PDPR: variants seen among roughly 807,000 people sequenced by gnomAD.
PDPR encodes pyruvate dehydrogenase phosphatase regulatory subunit.
A neutral mutation model predicts 102.2 loss-of-function variants in PDPR; 50 were observed. That is an observed-to-expected ratio of 0.49 (90% confidence interval 0.39 to 0.62). The LOEUF is 0.62. Among genes scored for constraint, PDPR ranks in the 20% least tolerant of loss-of-function variants. The pLI, the probability that PDPR is intolerant of heterozygous loss-of-function variation, is 0.00. For synonymous variants in PDPR, 259 were observed against 406.0 expected, an observed-to-expected ratio of 0.64 and a Z score of 4.35; for missense variants, 625 against 1,098.2, an observed-to-expected ratio of 0.57 and a Z score of 6.09.
In PDPR at chr16:70,160,826, C is replaced by A. The variant is rs951206679; in HGVS notation, c.*3947C>A. The A allele has an allele frequency of 6.6e-6, 1 of 152,420 alleles. No individual in the cohort carries two copies. Among genetic ancestry groups the A allele is most frequent in the African/African-American group, 2.4e-5 (1 of 41,486 alleles). The allele number at this position is 152,420 out of a possible 1,614,324, so 9.4% of individuals were successfully genotyped here. ...AAGAATGATGGGAGCTTTCCGAGAG[C>A]GTTCAGTGTTTCACTGAAGACAGGA... On this transcript the variant is annotated 3_prime_UTR_variant, in exon 19 of 19. Transcript: ENST00000288050.
At chr16:70,120,420 T>C in intron 2 of PDPR, 41 bp from the exon 3 acceptor site, 2 of 989,414 alleles carry the variant, frequency 2.0e-6, no homozygotes, top group Non-Finnish European at 3.2e-6. Context: ...TCCCATGCAC[T>C]GAGTAGAATG....
chr16:70,145,489 C>T (rs934529947), intron 15 of PDPR, among the ~76,000 whole-genome samples: 1 of 152,248 alleles, frequency 6.6e-6, no homozygotes, highest in African/African-American at 2.4e-5. Context: ...TTCTCACTCT[C>T]AGCAGTCTCG....
At chr16:70,117,526 T>G (rs1962770060) in intron 2 of PDPR, among the ~76,000 whole-genome samples, 1 of 151,142 alleles carries the variant, frequency 6.6e-6, no homozygotes, top group South Asian at 2.1e-4. Flanking sequence ...TCAAAAAAAA[T>G]AAATAAGATG....
intron 18 of PDPR, among the ~76,000 whole-genome samples, chr16:70,154,040 G>A (rs1966867527): frequency 6.6e-6 from 1 of 152,260 alleles, no homozygotes. Flanking sequence ...TTAGCCGGGT[G>A]TGGTTGCGGG....
intron 9 of PDPR, among the ~76,000 whole-genome samples, chr16:70,132,555 T>TA (rs201930774): frequency 6.6e-6 from 1 of 152,246 alleles, no homozygotes; most frequent in African/African-American, 2.4e-5. Context: ...TTTTTTTTTT[T>TA]ATTTCTTGAG....
In PDPR at chr16:70,117,830, C is replaced by T. The variant is rs556708710; in HGVS notation, c.-32-2631C>T. ...TCATTAAGGTGGGTGTGGTGGTTCACGCCTATAATCCCAGCACTTTGGGAG... is the reference window on the plus strand; with the variant it reads ...TCATTAAGGTGGGTGTGGTGGTTCATGCCTATAATCCCAGCACTTTGGGAG... On this transcript the variant is annotated intron_variant, in intron 2 of 18. Coordinates refer to ENST00000288050, the MANE Select transcript of PDPR (RefSeq NM_017990.5). Among the ~76,000 whole-genome samples the T allele has an allele frequency of 3.3e-5, 5 of 152,052 alleles. No homozygotes were observed. In the South Asian group the frequency reaches 6.2e-4, roughly 19 times the overall value.
intron 17 of PDPR, among the ~76,000 whole-genome samples, chr16:70,152,962 A>G (rs1966840790): frequency 6.6e-6 from 1 of 152,286 alleles, no homozygotes. Context: ...AGCTTGGGCC[A>G]GTACGTGAGG....
rs2152128809 is a variant in PDPR, at chr16:70,160,749, A to G, written c.*3870A>G. The G allele has an allele frequency of 6.6e-6, 1 of 152,598 alleles. No individual in the cohort carries two copies. The highest frequency in any genetic ancestry group is 2.1e-4 in the South Asian group (1 of 4,832). 9.5% of individuals were successfully genotyped at this position (152,598 alleles called of 1,614,324 possible). ...CAGTATATTACCTGCCGTTGCATGCATTTGAAAGTTAGCCTCCTCCCTTGC... is the reference window on the plus strand; with the variant it reads ...CAGTATATTACCTGCCGTTGCATGCGTTTGAAAGTTAGCCTCCTCCCTTGC... On this transcript the variant is annotated 3_prime_UTR_variant, in exon 19 of 19. Transcript: ENST00000288050.
Position 70,120,583 on chromosome 16 carries a change from G to C in PDPR, c.91G>C (p.Ala31Pro), listed in dbSNP as rs60114701. The change falls in exon 3 of 19, where the codon GCT (alanine) becomes CCT (proline). Residue 31 changes from alanine to proline, a missense_variant. Ala to Pro is a conservative substitution (Grantham distance 27). Coordinates refer to ENST00000288050, the MANE Select transcript of PDPR (RefSeq NM_017990.5). ...NWSSARNSTS[A>P]AEARSMALPT... ...GTCCTCTGCAAGAAACAGCACGTCA[G>C]CTGCCGAGGCGCGTTCCATGGCCCT... The C allele has an allele frequency of 1.8e-3, 2,916 of 1,613,978 alleles. 32 individuals are homozygous for C. The African/African-American group carries it at 0.032, about 18-fold the overall frequency.
At chr16:70,147,739 G>C (rs2152112667) in intron 16 of PDPR, 1 of 363,926 alleles carries the variant, frequency 2.7e-6, no homozygotes, top group Admixed American at 3.7e-5. Flanking sequence ...TTGTTTCACA[G>C]TTTTCCTTCT....
chr16:70,156,221 T>C (rs1294948036), intron 18 of PDPR: 1 of 539,960 alleles, frequency 1.9e-6, no homozygotes, highest in East Asian at 3.3e-5. Context: ...TCTGGTCTTG[T>C]GACTTTATGT....
intron 15 of PDPR, chr16:70,145,781 G>T (rs1173711308): frequency 8.5e-6 from 4 of 472,922 alleles, no homozygotes; most frequent in Non-Finnish European, 1.6e-5. Context: ...AGTGGATTTA[G>T]CTTCTCTGAA....
At chr16:70,147,813 A>C in intron 16 of PDPR, 1 of 357,722 alleles carries the variant, frequency 2.8e-6, no homozygotes, top group South Asian at 2.1e-5. Context: ...GACCCCTCCC[A>C]GCGTTTGCTC....
At position 70,153,374 on chromosome 16, in the gene PDPR, T is replaced by G. The variant is rs1428868995; in HGVS notation, c.2053-17T>G. 13 of 1,606,054 alleles carry G rather than the reference T, an allele frequency of 8.1e-6. No homozygotes were observed. Among genetic ancestry groups the G allele is most frequent in the Admixed American group, 1.7e-5 (1 of 58,270 alleles). ...CTGAAGGTCTGCTGCTTATGAACTTTCTGTCTCTTCCTATAGTACGCCCTG... is the reference window on the plus strand; with the variant it reads ...CTGAAGGTCTGCTGCTTATGAACTTGCTGTCTCTTCCTATAGTACGCCCTG... On this transcript the variant is annotated splice_polypyrimidine_tract_variant and intron_variant, in intron 17 of 18. Transcript: ENST00000288050.
downstream of PDPR, among the ~76,000 whole-genome samples, chr16:70,162,752 C>T (rs375290478): frequency 5.3e-5 from 8 of 152,234 alleles, no homozygotes; most frequent in African/African-American, 1.2e-4. Context: ...CCTGAAATTC[C>T]GACCGGCCTT....
Position 70,153,301 on chromosome 16 carries a change from T to C in PDPR, c.2053-90T>C, listed in dbSNP as rs1282647150. 3.0e-6 allele frequency: 4 copies of C among 1,345,754 alleles called. No individual in the cohort carries two copies. The Admixed American group carries it at 9.3e-5, about 31-fold the overall frequency. 83.4% of individuals were successfully genotyped at this position (1,345,754 alleles called of 1,614,324 possible). ...TTATACGCCTCCTCTCTTGTCCATGTTAATAGTGTGAGCCATCAGCGCTTC... is the reference window on the plus strand; with the variant it reads ...TTATACGCCTCCTCTCTTGTCCATGCTAATAGTGTGAGCCATCAGCGCTTC... On this transcript the variant is annotated intron_variant, in intron 17 of 18. Transcript: ENST00000288050.
At chr16:70,151,275 G>A (rs2152117662) in intron 17 of PDPR, among the ~76,000 whole-genome samples, 1 of 152,280 alleles carries the variant, frequency 6.6e-6, no homozygotes, top group East Asian at 1.9e-4. Flanking sequence ...TCAATATGTT[G>A]CCCAGGCTGG....
At chr16:70,132,509 G>A (rs1964640873) in intron 9 of PDPR, among the ~76,000 whole-genome samples, 1 of 152,198 alleles carries the variant, frequency 6.6e-6, no homozygotes, top group Admixed American at 6.5e-5. Flanking sequence ...ATAGACATTT[G>A]CCTTATTCTT....
intron 13 of PDPR, among the ~76,000 whole-genome samples, chr16:70,143,120 T>C (rs1385420154): frequency 6.6e-6 from 1 of 152,114 alleles, no homozygotes; most frequent in African/African-American, 2.4e-5. Flanking sequence ...ACTCATGAGG[T>C]GGAGGTTGCA....
Sources: gnomAD v4.1 joint callset for allele counts (sites outside exome capture counted in the v4.1 genomes callset) on GRCh38, gnomAD v4.1.1 for gene constraint, MANE v1.5 for transcripts, NCBI Gene and HGNC (gene_info 2026-07-23, HGNC 2026-07-21) for gene names.